SEC16B: variants seen among roughly 807,000 people sequenced by gnomAD.
SEC16B encodes the protein protein transport protein Sec16B.
Under a neutral mutation model 141.8 loss-of-function variants are expected in SEC16B, and 115 were observed. The ratio of observed to expected loss-of-function variants is 0.81; its 90% CI spans 0.70 to 0.95. SEC16B has a LOEUF of 0.95. Among genes scored for constraint, SEC16B ranks in the 40% least tolerant of loss-of-function variants. The probability of loss-of-function intolerance (pLI) is 0.00; values close to 1 mark genes in which losing one functional copy is unlikely to be tolerated. For synonymous variants in SEC16B, 493 were observed against 492.5 expected, an observed-to-expected ratio of 1.00 and a Z score of -0.01; for missense variants, 1,291 against 1,312.3, an observed-to-expected ratio of 0.98 and a Z score of 0.25.
intron 12 of SEC16B, 41 bp downstream of exon 12, chr1:177,951,873 T>C: frequency 6.5e-7 from 1 of 1,532,294 alleles, no homozygotes; most frequent in Non-Finnish European, 8.9e-7. Context: ...CTCAAGCCCT[T>C]GGGATGCCTG....
chr1:177,943,854 C>T (rs1651467492), intron 15 of SEC16B, among the ~76,000 whole-genome samples: 1 of 152,200 alleles, frequency 6.6e-6, no homozygotes. Context: ...ACAGCTGAGA[C>T]CACTGAAGGC....
chr1:177,945,915 G>A (rs912294850), intron 14 of SEC16B: 1 of 203,392 alleles, frequency 4.9e-6, no homozygotes, highest in African/African-American at 2.3e-5. Flanking sequence ...CTAATGCTAT[G>A]GCCAACAGAG....
chr1:177,958,315 C>T lies in SEC16B; in HGVS notation c.1182G>A (p.Lys394=), dbSNP rs763349276. 1.8e-5 allele frequency: 29 copies of T among 1,609,358 alleles called. No individual in the cohort carries two copies. The highest frequency in any genetic ancestry group is 2.5e-5 in the Non-Finnish European group (29 of 1,177,770). ...GCTGCCGCTTGTACTTCTCCAGCTT[C>T]TTGCAGTCTTGCATTAGCAGCTCAG... The part of the protein sequence containing the change: ...DIAELLMQDC[K]KLEKYKRQPP... Residue 394 remains lysine, a synonymous_variant, in exon 10 of 26, where the codon AAG becomes AAA. Transcript: ENST00000308284.
At position 177,932,879 on chromosome 1, in the gene SEC16B, T is replaced by A. The variant is rs935241078; in HGVS notation, c.2824-73A>T. ...CAAATTGATGCCCGCCAATTTGTGT[T>A]CCCACACTCACGATGGCGGCCTTGC... On this transcript the variant is annotated intron_variant, in intron 22 of 25. Transcript: ENST00000308284. The A allele has an allele frequency of 6.2e-5, 88 of 1,409,788 alleles. No homozygotes were observed. The Middle Eastern group carries it at 1.1e-3, about 18-fold the overall frequency. 87.3% of individuals were successfully genotyped at this position (1,409,788 alleles called of 1,614,324 possible).
At chr1:177,982,761 C>T (rs1654472349) in intron 1 of SEC16B, among the ~76,000 whole-genome samples, 1 of 152,236 alleles carries the variant, frequency 6.6e-6, no homozygotes, top group Admixed American at 6.5e-5. Context: ...TTATTTCAAA[C>T]CTTAAGCCTA....
intron 8 of SEC16B, chr1:177,959,197 G>A: frequency 1.8e-6 from 1 of 555,038 alleles, no homozygotes; most frequent in Non-Finnish European, 3.2e-6. Context: ...CTTTATAGAT[G>A]AAGAAACAGA....
chr1:177,961,317 T>TC, intron 6 of SEC16B: 1 of 481,432 alleles, frequency 2.1e-6, no homozygotes, highest in South Asian at 3.2e-5. Context: ...TTCTCTCTGG[T>TC]CTTCCCTTTC....
At chr1:177,959,031 C>A in intron 8 of SEC16B, 56 bp from the exon 9 acceptor site, 2 of 1,566,368 alleles carry the variant, frequency 1.3e-6, no homozygotes, top group Admixed American at 1.8e-5. Flanking sequence ...TTCCCTGTTT[C>A]GGACCCCAGG....
intron 1 of SEC16B, among the ~76,000 whole-genome samples, chr1:177,982,861 T>C (rs1004782021): frequency 2.0e-5 from 3 of 152,222 alleles, no homozygotes; most frequent in African/African-American, 7.2e-5. Context: ...GTTGAAAAGG[T>C]ACTTGTTCCA....
At chr1:177,970,746 A>G (rs1392781386), upstream of SEC16B, among the ~76,000 whole-genome samples, 3 of 152,234 alleles carry the variant, frequency 2.0e-5, no homozygotes, top group Admixed American at 2.0e-4. Flanking sequence ...TTTCTTCTGC[A>G]TTATTAAGGT....
In SEC16B at chr1:177,946,324, A is replaced by G. The variant is rs992727780; in HGVS notation, c.1775+96T>C. The stretch of plus-strand genomic sequence containing the variant: ...GGAGCCGGCGGTAGCTGAAATTCAC[A>G]TGAGAAAATGAAAAATGGATCCATA... On this transcript the variant is annotated intron_variant, in intron 14 of 25. Transcript: ENST00000308284. 45 of 916,898 alleles carry G rather than the reference A, an allele frequency of 4.9e-5. 1 individual carries two copies. In the Admixed American group the frequency reaches 8.4e-4, roughly 17 times the overall value. 56.8% of individuals were successfully genotyped at this position (916,898 alleles called of 1,614,324 possible).
rs1651886457 is a variant in SEC16B at position 177,948,251 on chromosome 1, C to G, written c.1546-309G>C. 4 of 1,000,760 alleles carry G rather than the reference C, an allele frequency of 4.0e-6. No homozygotes were observed. The Admixed American group carries it at 1.4e-4, about 34-fold the overall frequency. The allele number at this position is 1,000,760 out of a possible 1,614,324, so 62.0% of individuals were successfully genotyped here. ...ACATTTCTCCCCAGTGCCTGACCCC[C>G]AGATAGCTAGAGACAAAACTCAGAA... On this transcript the variant is annotated intron_variant, in intron 12 of 25. Coordinates refer to ENST00000308284, the MANE Select transcript of SEC16B (RefSeq NM_033127.4).
At position 177,960,909 on chromosome 1, in the gene SEC16B, A is replaced by T; in HGVS notation, c.818T>A (p.Met273Lys). 1 of 1,613,974 alleles carries T rather than the reference A, an allele frequency of 6.2e-7. No individual in the cohort carries two copies. The highest frequency in any genetic ancestry group is 2.2e-5 in the East Asian group (1 of 44,884). ...DVSSAGPKAP[M>K]KFYIPHVPVS... Reference sequence around the variant, plus strand: ...AGGAACATGAGGGATGTAGAACTTCATGGGTGCTTTGGGACCAGCTGAGGA... The same window carrying T: ...AGGAACATGAGGGATGTAGAACTTCTTGGGTGCTTTGGGACCAGCTGAGGA... The change falls in exon 7 of 26, where the codon ATG becomes AAG. Residue 273 changes from methionine to lysine, a missense_variant. Coordinates refer to ENST00000308284, the MANE Select transcript of SEC16B (RefSeq NM_033127.4).
rs376590170 is a variant in SEC16B at position 177,982,964 on chromosome 1, C to T, written c.-59+1242G>A. 5.9e-5 allele frequency among the ~76,000 whole-genome samples: 9 copies of T among 152,104 alleles called. No homozygotes were observed. In the South Asian group the frequency reaches 1.9e-3, roughly 32 times the overall value. ...ACATCTTTCTCAAAAGCAACCTTTC[C>T]ACCTATCAACATTACACTGTAAATG... On this transcript the variant is annotated intron_variant and NMD_transcript_variant, in intron 1 of 24. Transcript: ENST00000528461.
chr1:177,932,827 G>C, intron 22 of SEC16B, 21 bp from the exon 23 acceptor site: 2 of 1,590,420 alleles, frequency 1.3e-6, no homozygotes, highest in Non-Finnish European at 1.7e-6. Flanking sequence ...GAGAAAGAAA[G>C]GCAGCATTGG....
At chr1:177,948,532 G>A in intron 12 of SEC16B, 2 of 1,304,264 alleles carry the variant, frequency 1.5e-6, no homozygotes, top group South Asian at 1.2e-5. Context: ...ACGATGCAGA[G>A]GCAGCAGAAT....
intron 20 of SEC16B, among the ~76,000 whole-genome samples, 200 bp from the exon 21 acceptor site, chr1:177,933,836 T>C (rs547212391): frequency 7.3e-4 from 111 of 152,222 alleles, no homozygotes; most frequent in Middle Eastern, 3.4e-3. Flanking sequence ...CCCAAGCCCA[T>C]GTTATCCCTA....
intron 14 of SEC16B, chr1:177,945,996 G>T (rs897128677): frequency 3.0e-6 from 1 of 330,174 alleles, no homozygotes; most frequent in Non-Finnish European, 5.5e-6. Flanking sequence ...CCCAAAGAGG[G>T]ACTAAACATA....
At position 177,933,605 on chromosome 1, in the gene SEC16B, G is replaced by A. The variant is rs377454481; in HGVS notation, c.2603C>T (p.Ser868Phe). Residue 868 changes from serine (S) to phenylalanine (F), a missense_variant, in exon 21 of 26, where the codon TCT becomes TTT. Ser to Phe is a radical substitution (Grantham distance 155). This residue lies in a region of SEC16B where 605 missense variants were observed against 614.1 expected (regional missense o/e 0.99). Coordinates refer to ENST00000308284, the MANE Select transcript of SEC16B (RefSeq NM_033127.4). The stretch of plus-strand genomic sequence containing the variant: ...CTTGGCTGAACTGGCGGAACTCTCA[G>A]AAATACTTCGTGGTCTAGCAGCCAA... ...TPLAARPRSI[S>F]ESSASSAKED... 4.3e-6 allele frequency: 7 copies of A among 1,613,848 alleles called. No homozygotes were observed. In the African/African-American group the frequency reaches 8.0e-5, roughly 18 times the overall value.
Sources: allele counts gnomAD v4.1 joint callset (sites outside exome capture counted in the v4.1 genomes callset), GRCh38; gene constraint gnomAD v4.1.1; regional missense constraint gnomAD v4.1.1; transcripts MANE v1.5; gene names NCBI Gene and HGNC (gene_info 2026-07-23, HGNC 2026-07-21).